The following GATA4 variants were observed in gnomAD, a reference collection of about 807,000 sequenced individuals.
The protein encoded by GATA4 is transcription factor GATA-4.
A neutral mutation model predicts 37.9 loss-of-function variants in GATA4; 7 were observed. The observed-to-expected ratio is 0.18, with a 90% CI of 0.11 to 0.35. The LOEUF (loss-of-function observed/expected upper bound fraction) is 0.35. Ranked by LOEUF, GATA4 falls within the 10% of genes least tolerant of loss-of-function variation. The probability of loss-of-function intolerance (pLI) is 1.00; values close to 1 mark genes in which losing one functional copy is unlikely to be tolerated. For missense variants in GATA4, 647 were observed against 653.0 expected (o/e 0.99, Z 0.10); for synonymous variants, 372 against 292.6 (o/e 1.27, Z -2.77).
intron 2 of GATA4, among the ~76,000 whole-genome samples, chr8:11,716,227 T>C (rs1357079306): frequency 6.6e-6 from 1 of 152,164 alleles, no homozygotes; most frequent in Non-Finnish European, 1.5e-5. Context: ...CTATATTACC[T>C]AATTTTAAAA....
intron 2 of GATA4, among the ~76,000 whole-genome samples, chr8:11,738,960 C>G (rs1044522737): frequency 6.6e-6 from 1 of 152,216 alleles, no homozygotes; most frequent in Non-Finnish European, 1.5e-5. Context: ...GACTGTACCC[C>G]GAAGGGAGGG....
intron 1 of GATA4, among the ~76,000 whole-genome samples, chr8:11,683,809 T>A (rs1325323449): frequency 3.9e-5 from 6 of 152,060 alleles, no homozygotes; most frequent in Non-Finnish European, 5.9e-5. Flanking sequence ...AGTGCAGGAA[T>A]CCCTCCCCAC....
At chr8:11,691,929 C>A (rs1799326818), upstream of GATA4, 4 of 821,520 alleles carry the variant, frequency 4.9e-6, no homozygotes, top group Non-Finnish European at 5.9e-6. Context: ...AAAAAAAAAT[C>A]AAAAACCACT....
At position 11,748,929 on chromosome 8, in the gene GATA4, C is replaced by T. The variant is rs192122549; in HGVS notation, c.630C>T (p.Asp210=). 469 of 1,614,210 alleles carry T rather than the reference C, an allele frequency of 2.9e-4. 1 individual carries two copies. The highest frequency in any genetic ancestry group is 8.2e-4 in the Middle Eastern group (5 of 6,062). Residue 210 remains aspartate, a synonymous_variant, in exon 3 of 7, where the codon GAC becomes GAT. Transcript: ENST00000532059. ...CCCCCAACTCAGTAGATATGTTTGA[C>T]GACTTCTCAGAAGGCAGAGAGTGTG... ...ARHPNLVDMF[D]DFSEGRECVN...
chr8:11,689,938 C>A (rs1799257111), upstream of GATA4, among the ~76,000 whole-genome samples: 1 of 152,170 alleles, frequency 6.6e-6, no homozygotes, highest in Non-Finnish European at 1.5e-5. Flanking sequence ...AACCAGGGTG[C>A]CAGGGAACCT....
chr8:11,735,303 C>T (rs550409193), intron 2 of GATA4, among the ~76,000 whole-genome samples: 1 of 152,208 alleles, frequency 6.6e-6, no homozygotes, highest in Admixed American at 6.5e-5. Context: ...ACATTTATCC[C>T]TGTGTGTAGA....
intron 2 of GATA4, among the ~76,000 whole-genome samples, chr8:11,729,380 C>T (rs1425576374): frequency 6.6e-6 from 1 of 151,872 alleles, no homozygotes; most frequent in East Asian, 1.9e-4. Flanking sequence ...CTAGCCTGGC[C>T]AACATAGTGA....
intron 4 of GATA4, among the ~76,000 whole-genome samples, chr8:11,751,171 A>G (rs944114617): frequency 6.6e-6 from 1 of 152,218 alleles, no homozygotes; most frequent in African/African-American, 2.4e-5. Flanking sequence ...AGTAAAGACC[A>G]ATACACACAG....
chr8:11,698,583 G>A (rs371335732), intron 1 of GATA4, among the ~76,000 whole-genome samples: 5 of 151,878 alleles, frequency 3.3e-5, no homozygotes, highest in South Asian at 2.1e-4. Flanking sequence ...TCCTCTATCC[G>A]GCTGACTTGG....
At chr8:11,682,986 G>C (rs890148513) in intron 1 of GATA4, 1 of 866,026 alleles carries the variant, frequency 1.2e-6, no homozygotes, top group African/African-American at 1.8e-5. Flanking sequence ...ACTGGGTTCA[G>C]AGAAAGTTCT....
intron 1 of GATA4, among the ~76,000 whole-genome samples, chr8:11,696,162 T>A (rs781595096): frequency 2.0e-4 from 31 of 152,096 alleles, no homozygotes; most frequent in Non-Finnish European, 4.0e-4. Flanking sequence ...ATTCACTCCT[T>A]TTAGTGTACA....
intron 4 of GATA4, among the ~76,000 whole-genome samples, chr8:11,753,166 G>A (rs565128635): frequency 4.6e-5 from 7 of 152,234 alleles, no homozygotes; most frequent in African/African-American, 1.2e-4. Flanking sequence ...AAGTGTCCAC[G>A]GAGAAATGAA....
rs1189744811 is a variant in GATA4 at position 11,708,888 on chromosome 8, G to T, written c.576G>T (p.Leu192=). The change falls in exon 2 of 7, where the codon CTG becomes CTT. Residue 192 remains leucine (L), a synonymous_variant. Coordinates refer to ENST00000532059, the MANE Select transcript of GATA4 (RefSeq NM_001308093.3). This position sits in a 1 kb window ranked among gnomAD's most constrained non-coding sequence, Gnocchi z 6.7. ...GPFDSPVLHS[L]PGRANPAARH... ...TCGACAGCCCGGTCCTGCACAGCCT[G>T]CCCGGCCGGGCCAACCCGGCCGCCC... 4.6e-6 allele frequency: 7 copies of T among 1,528,246 alleles called. No homozygotes were observed. The highest frequency in any genetic ancestry group is 2.5e-5 in the East Asian group (1 of 40,454). The allele number at this position is 1,528,246 out of a possible 1,614,324, so 94.7% of individuals were successfully genotyped here. A position where few individuals can be genotyped will look rare whatever the true frequency, so the allele number is the denominator to read the frequency against.
chr8:11,757,425 C>T (rs901321885), intron 6 of GATA4, among the ~76,000 whole-genome samples: 3 of 152,172 alleles, frequency 2.0e-5, no homozygotes, highest in Non-Finnish European at 4.4e-5. Flanking sequence ...GTGGCAGGGG[C>T]GGAAAACAAC....
chr8:11,678,050 AT>A (rs1167297181), intron 1 of GATA4, among the ~76,000 whole-genome samples: 1,967 of 148,156 alleles, frequency 0.013, 53 homozygotes, highest in African/African-American at 0.047. Context: ...AATAATAATA[AT>A]AATAATAAAT....
intron 2 of GATA4, among the ~76,000 whole-genome samples, chr8:11,717,682 C>T (rs1050928801): frequency 1.3e-5 from 2 of 152,166 alleles, no homozygotes; most frequent in Non-Finnish European, 2.9e-5. Context: ...CATGACTTGT[C>T]GCTCCCATCC....
rs536734331 is a variant in GATA4 at position 11,749,786 on chromosome 8, C to G, written c.787-325C>G. 6.4e-4 allele frequency among the ~76,000 whole-genome samples: 98 copies of G among 152,352 alleles called. No individual in the cohort carries two copies. Among genetic ancestry groups the G allele is most frequent in the Admixed American group, 1.3e-3 (20 of 15,310 alleles). On this transcript the variant is annotated intron_variant, in intron 3 of 6. Transcript: ENST00000532059. This position sits in a 1 kb window ranked among gnomAD's most constrained non-coding sequence, Gnocchi z 4.6. ...GCACCTGCAGCCCCGGTCAGTTCTC[C>G]TCTCAGGAGAAGCTTTCCTGCCGGC...
intron 2 of GATA4, among the ~76,000 whole-genome samples, chr8:11,713,691 G>A (rs1054082352): frequency 1.3e-5 from 2 of 152,140 alleles, no homozygotes; most frequent in Non-Finnish European, 2.9e-5. Context: ...GTTAGTGAAG[G>A]TGAGCAGATA....
At chr8:11,729,654 T>C (rs969381767) in intron 2 of GATA4, among the ~76,000 whole-genome samples, 4 of 152,128 alleles carry the variant, frequency 2.6e-5, no homozygotes, top group Non-Finnish European at 4.4e-5. Flanking sequence ...CCTCACAGCG[T>C]TGGTCTCTAG....
Sources: allele counts gnomAD v4.1 joint callset (sites outside exome capture counted in the v4.1 genomes callset), GRCh38; gene constraint gnomAD v4.1.1; non-coding constraint Gnocchi (gnomAD v3.1); transcripts MANE v1.5; gene names NCBI Gene and HGNC (gene_info 2026-07-23, HGNC 2026-07-21).